Variants in FAM167A observed in about 807,000 individuals in gnomAD.
FAM167A encodes the protein protein FAM167A.
FAM167A carries 23 observed loss-of-function variants against 14.9 expected under a neutral mutation model. The observed-to-expected ratio is 1.55, with a 90% CI of 1.11 to 2.19. FAM167A has a LOEUF of 2.19. Among genes scored for constraint, FAM167A ranks in the 30% most tolerant of loss-of-function variants. The pLI, the probability that FAM167A is intolerant of heterozygous loss-of-function variation, is 0.00. For missense variants in FAM167A, 401 were observed against 281.5 expected (o/e 1.42, Z -3.04); for synonymous variants, 174 against 117.7 (o/e 1.48, Z -3.10).
chr8:11,470,141 C>T (rs1015139208), upstream of FAM167A, among the ~76,000 whole-genome samples: 1 of 152,022 alleles, frequency 6.6e-6, no homozygotes, highest in Non-Finnish European at 1.5e-5. Context: ...AGTAAATAAG[C>T]AATATTGTGA....
chr8:11,444,925 C>T (rs1806694009), intron 1 of FAM167A, 117 bp from the exon 2 acceptor site: 1 of 857,314 alleles, frequency 1.2e-6, no homozygotes, highest in Admixed American at 6.2e-5. Flanking sequence ...GGCTGCGCTT[C>T]TCATGGCTAG....
chr8:11,440,434 A>C (rs937405019), intron 2 of FAM167A, among the ~76,000 whole-genome samples: 2 of 152,238 alleles, frequency 1.3e-5, no homozygotes, highest in African/African-American at 4.8e-5. Flanking sequence ...CTGACCCCTG[A>C]GAGCTGTTAG....
At chr8:11,436,284 C>T (rs1030147606) in intron 2 of FAM167A, among the ~76,000 whole-genome samples, 116 of 152,324 alleles carry the variant, frequency 7.6e-4, no homozygotes, top group Middle Eastern at 3.4e-3. Flanking sequence ...GGGCCAGGCC[C>T]GCCACTAGGG....
intron 2 of FAM167A, among the ~76,000 whole-genome samples, chr8:11,429,563 G>A (rs1415374315): frequency 2.0e-5 from 3 of 152,232 alleles, no homozygotes; most frequent in Non-Finnish European, 4.4e-5. Context: ...GATGGCAGGT[G>A]TGATTTTAGT....
chr8:11,425,947 T>G lies in FAM167A; in HGVS notation c.382-1311A>C, dbSNP rs73540424. Among the ~76,000 whole-genome samples, 1,351 of 152,322 alleles carry G rather than the reference T, an allele frequency of 8.9e-3. 13 individuals carry two copies. Among genetic ancestry groups the G allele is most frequent in the Middle Eastern group, 0.024 (7 of 294 alleles). On this transcript the variant is annotated intron_variant, in intron 2 of 2. Transcript: ENST00000284486. ...CATTAATGCAATCAAGCCTTCCCTTTCTAGGCCTTTCCAAGATCTAGGAGA... is the reference window on the plus strand; with the variant it reads ...CATTAATGCAATCAAGCCTTCCCTTGCTAGGCCTTTCCAAGATCTAGGAGA...
At chr8:11,426,074 C>G (rs1805121004) in intron 2 of FAM167A, among the ~76,000 whole-genome samples, 1 of 152,206 alleles carries the variant, frequency 6.6e-6, no homozygotes, top group Non-Finnish European at 1.5e-5. Flanking sequence ...ATAACAAGAA[C>G]CTTGGCCTCC....
chr8:11,443,835 C>T, intron 2 of FAM167A, 196 bp downstream of exon 2: 4 of 659,464 alleles, frequency 6.1e-6, no homozygotes, highest in East Asian at 2.8e-5. Flanking sequence ...GCTGATGACA[C>T]CTGGGTCCCC....
Position 11,444,126 on chromosome 8 carries a change from T to G in FAM167A, c.286A>C (p.Arg96=). 1 of 1,613,260 alleles carries G rather than the reference T, an allele frequency of 6.2e-7. No individual in the cohort carries two copies. Among genetic ancestry groups the G allele is most frequent in the South Asian group, 1.1e-5 (1 of 91,066 alleles). ...GGTCTGGCACCTTGGCTGGCACTCC[T>G]GGCAGAAGGGGGGTGCTGCCCAGCC... ...REAGQHPPSA[R]SASQGARPLS... is the part of the protein sequence containing the mutation. The change falls in exon 2 of 3, where the codon AGG becomes CGG. Residue 96 remains arginine, a synonymous_variant. Transcript: ENST00000284486.
intron 1 of FAM167A, among the ~76,000 whole-genome samples, chr8:11,446,204 A>G (rs1806775693): frequency 6.6e-6 from 1 of 152,154 alleles, no homozygotes; most frequent in African/African-American, 2.4e-5. Flanking sequence ...TGGCACGCAG[A>G]CGCTTAAGAA....
intron 1 of FAM167A, among the ~76,000 whole-genome samples, chr8:11,449,391 T>C (rs1267539553): frequency 6.6e-6 from 1 of 152,178 alleles, no homozygotes; most frequent in Non-Finnish European, 1.5e-5. Flanking sequence ...ATGCCAGCAC[T>C]GGGCAGCTTC....
rs1196458973 is a variant in FAM167A at position 11,444,692 on chromosome 8, G to T, written c.-281C>A. 4 of 1,216,848 alleles carry T rather than the reference G, an allele frequency of 3.3e-6. No individual in the cohort carries two copies. Among genetic ancestry groups the T allele is most frequent in the Non-Finnish European group, 4.1e-6 (4 of 975,072 alleles). 75.4% of individuals were successfully genotyped at this position (1,216,848 alleles called of 1,614,324 possible). ...GAAGGCAGGAACAGACAGCGTCGCA[G>T]GAATCTCGGGGCAGCCTGTGCCAAG... On this transcript the variant is annotated 5_prime_UTR_variant, in exon 2 of 3. The change creates a new upstream start codon in the 5' untranslated region. Coordinates refer to ENST00000284486, the MANE Select transcript of FAM167A (RefSeq NM_053279.3).
intron 1 of FAM167A, among the ~76,000 whole-genome samples, chr8:11,447,808 T>C (rs775872953): frequency 4.6e-5 from 7 of 152,246 alleles, no homozygotes; most frequent in Non-Finnish European, 1.0e-4. Context: ...TCTGGGCCTC[T>C]GTGTCCTCTT....
chr8:11,425,857 CAT>C (rs971165804), intron 2 of FAM167A, among the ~76,000 whole-genome samples: 1 of 152,126 alleles, frequency 6.6e-6, no homozygotes, highest in Admixed American at 6.5e-5. Context: ...ATTTCTTTGA[CAT>C]ATTTTGAAAT....
chr8:11,467,222 T>C (rs974723015), upstream of FAM167A, among the ~76,000 whole-genome samples: 2 of 152,200 alleles, frequency 1.3e-5, no homozygotes, highest in Admixed American at 1.3e-4. Flanking sequence ...AGTGTAGGCA[T>C]CTCTGGCTGC....
Position 11,424,493 on chromosome 8 carries a change from A to T in FAM167A, c.525T>A (p.Asp175Glu). The stretch of plus-strand genomic sequence containing the variant: ...AGTCACAGAAGAGGTCGGCCAGCTC[A>T]TCCCGCTCCTCCAGCTCGTAGGTGG... ...NDATYELEER[D>E]ELADLFCDSP... is the part of the protein sequence containing the mutation. Residue 175 changes from aspartate (D) to glutamate (E), a missense_variant, in exon 3 of 3, where the codon GAT (aspartate) becomes GAA (glutamate). Transcript: ENST00000284486. 1 of 1,612,618 alleles carries T rather than the reference A, an allele frequency of 6.2e-7. No homozygotes were observed. Among genetic ancestry groups the T allele is most frequent in the East Asian group, 2.2e-5 (1 of 44,874 alleles).
rs1340890831 is a variant in FAM167A at position 11,444,785 on chromosome 8, G to T, written c.-374C>A. On this transcript the variant is annotated 5_prime_UTR_variant, in exon 2 of 3. Transcript: ENST00000284486. ...AGAAGGCCCAGAGCTCTCTCTTCTC[G>T]GGAAGGGCAGGTGGCTGGAGACCCT... 9.9e-7 allele frequency: 1 copy of T among 1,010,592 alleles called. No homozygotes were observed. The highest frequency in any genetic ancestry group is 1.2e-6 in the Non-Finnish European group (1 of 846,248). 62.6% of individuals were successfully genotyped at this position (1,010,592 alleles called of 1,614,324 possible).
chr8:11,426,352 C>G (rs977220889), intron 2 of FAM167A, among the ~76,000 whole-genome samples: 1 of 152,186 alleles, frequency 6.6e-6, no homozygotes, highest in African/African-American at 2.4e-5. Flanking sequence ...CTAGGGCGAG[C>G]TTTCTCAGGA....
At chr8:11,445,371 A>G in intron 1 of FAM167A, 1 of 986,076 alleles carries the variant, frequency 1.0e-6, no homozygotes, top group Non-Finnish European at 1.2e-6. Context: ...TTCTACATCC[A>G]GGTCTTACTC....
chr8:11,426,085 A>C (rs911672605), intron 2 of FAM167A, among the ~76,000 whole-genome samples: 5 of 152,230 alleles, frequency 3.3e-5, no homozygotes, highest in African/African-American at 1.2e-4. Flanking sequence ...CTTGGCCTCC[A>C]CAACTGTCCT....
Sources: allele counts gnomAD v4.1 joint callset (sites outside exome capture counted in the v4.1 genomes callset), GRCh38; gene constraint gnomAD v4.1.1; transcripts MANE v1.5; gene names NCBI Gene and HGNC (gene_info 2026-07-23, HGNC 2026-07-21).